RBBP7: variants seen among roughly 807,000 people sequenced by gnomAD.
RBBP7 encodes histone-binding protein RBBP7.
A neutral mutation model predicts 35.2 loss-of-function variants in RBBP7; 5 were observed. That is an observed-to-expected ratio of 0.14 (90% CI 0.07 to 0.30). RBBP7 has a LOEUF of 0.30. Ranked by LOEUF, RBBP7 falls within the 10% of genes least tolerant of loss-of-function variation. The pLI is 1.00. For missense variants in RBBP7, 155 were observed against 327.5 expected (o/e 0.47, Z 4.07); for synonymous variants, 140 against 118.7 (o/e 1.18, Z -1.17).
chrX:16,846,830 G>A (rs1021730748), intron 10 of RBBP7: 2 of 111,759 alleles, frequency 1.8e-5, no homozygotes, highest in Non-Finnish European at 3.8e-5. Flanking sequence ...TAATCTTATC[G>A]GGTTAAAAAT....
chrX:16,848,444 G>C (rs1379217567), intron 10 of RBBP7: 1 of 111,808 alleles, frequency 8.9e-6, no homozygotes, highest in Non-Finnish European at 1.9e-5. Flanking sequence ...TCTGTGTGCA[G>C]GGCTTGCTCT....
At chrX:16,849,064 T>C (rs1602414909) in intron 10 of RBBP7, 180 bp downstream of exon 10, 3 of 365,501 alleles carry the variant, frequency 8.2e-6, no homozygotes, top group East Asian at 4.4e-5. Flanking sequence ...AAAAACCTAC[T>C]GGGCTCCATT....
chrX:16,857,778 C>T (rs1930383012), intron 4 of RBBP7, 69 bp from the exon 5 acceptor site: 1 of 1,147,604 alleles, frequency 8.7e-7, no homozygotes, highest in Non-Finnish European at 1.2e-6. Context: ...ATTCTCACTC[C>T]TTCATTGAGT....
rs1398265263 is a variant in RBBP7 at position 16,858,660 on chromosome X, C to T, written c.481+16G>A. 5 of 1,204,108 alleles carry T rather than the reference C, an allele frequency of 4.2e-6. No individual in the cohort carries two copies. The highest frequency in any genetic ancestry group is 4.5e-6 in the Non-Finnish European group (4 of 890,692). On this transcript the variant is annotated intron_variant, in intron 4 of 11. Transcript: ENST00000380087. ...GAAAACTGCTCAAGTAATGACCTAA[C>T]TCTATTATTACATACCTGGTTTAGC...
intron 4 of RBBP7, among the ~76,000 whole-genome samples, chrX:16,858,253 G>A (rs1237738585): frequency 8.9e-6 from 1 of 111,818 alleles, no homozygotes; most frequent in Non-Finnish European, 1.9e-5. Flanking sequence ...CATAGAACAG[G>A]ATGTGCCCAC....
In RBBP7 at chrX:16,869,236, A is replaced by T. The variant is rs780804469; in HGVS notation, c.17-16T>A. The T allele has an allele frequency of 1.3e-5, 16 of 1,199,979 alleles. No homozygotes were observed. Among genetic ancestry groups the T allele is most frequent in the Non-Finnish European group, 1.8e-5 (16 of 890,592 alleles). On this transcript the variant is annotated splice_polypyrimidine_tract_variant and intron_variant, in intron 1 of 11. Coordinates refer to ENST00000380087, the MANE Select transcript of RBBP7 (RefSeq NM_002893.4). ...TCTTCAAACACTGAAATTTGGAGAA[A>T]GCCCACACGATTAAGTGGCTGAGAT...
chrX:16,854,484 C>T (rs1490871970), intron 5 of RBBP7, among the ~76,000 whole-genome samples: 5 of 110,937 alleles, frequency 4.5e-5, no homozygotes, highest in African/African-American at 1.3e-4. Context: ...AAGAGCCCGG[C>T]GCTCAGCATC....
At position 16,869,070 on chromosome X, in the gene RBBP7, C is replaced by A. The variant is rs770771564; in HGVS notation, c.161+6G>T. 16 of 1,191,348 alleles carry A rather than the reference C, an allele frequency of 1.3e-5. No individual in the cohort carries two copies. The highest frequency in any genetic ancestry group is 4.5e-6 in the Non-Finnish European group (4 of 889,923). Reference sequence around the variant, plus strand: ...AAACAAAATAAAAGTTGCCAGAAACCCTTACTTAGTCACTTCAGGAAGCCA... The same window carrying A: ...AAACAAAATAAAAGTTGCCAGAAACACTTACTTAGTCACTTCAGGAAGCCA... On this transcript the variant is annotated splice_donor_region_variant and intron_variant, in intron 2 of 11. Coordinates refer to ENST00000380087, the MANE Select transcript of RBBP7 (RefSeq NM_002893.4).
At chrX:16,849,846 A>G (rs758068293) in intron 9 of RBBP7, among the ~76,000 whole-genome samples, 13 of 112,465 alleles carry the variant, frequency 1.2e-4, no homozygotes, top group Non-Finnish European at 1.9e-4. Context: ...TATAATTACA[A>G]ATCAGTACTA....
At chrX:16,865,063 CAA>C (rs34381419) in intron 2 of RBBP7, among the ~76,000 whole-genome samples, 2 of 24,562 alleles carry the variant, frequency 8.1e-5, no homozygotes, top group Admixed American at 5.8e-4. Context: ...GACCCTGTCT[CAA>C]AAAAAAAAAA....
intron 10 of RBBP7, chrX:16,847,242 G>A (rs1930102244): frequency 9.0e-6 from 1 of 111,008 alleles, no homozygotes; most frequent in Admixed American, 9.5e-5. Context: ...GGAGGCTGAG[G>A]CGGGCGGATC....
intron 6 of RBBP7, 172 bp from the exon 7 acceptor site, chrX:16,853,047 CCTACAGAGAACAAGCTAGGG>C: frequency 4.1e-6 from 3 of 733,125 alleles, no homozygotes; most frequent in Non-Finnish European, 5.8e-6. Context: ...ACATTCGAAA[CCTACAGAGAACAAGCTAGGG>C]CTGTTAGTCC....
At chrX:16,869,662 C>T in intron 1 of RBBP7, 1 of 1,090,172 alleles carries the variant, frequency 9.2e-7, no homozygotes, top group Non-Finnish European at 1.2e-6. Context: ...ACCCCAGCAA[C>T]CCCCGGACAA....
chrX:16,865,063 CAAAAAAAAAA>C (rs34381419), intron 2 of RBBP7, among the ~76,000 whole-genome samples: 1,721 of 24,545 alleles, frequency 0.07, 21 homozygotes, highest in Middle Eastern at 0.17. Context: ...GACCCTGTCT[CAAAAAAAAAA>C]AAAAAAAAAA....
At chrX:16,865,290 C>T (rs1380318161) in intron 2 of RBBP7, among the ~76,000 whole-genome samples, 1 of 110,779 alleles carries the variant, frequency 9.0e-6, no homozygotes, top group Non-Finnish European at 1.9e-5. Context: ...AATAATAATG[C>T]TTGAGAGAAA....
At chrX:16,866,255 G>A (rs1930612236) in intron 2 of RBBP7, among the ~76,000 whole-genome samples, 1 of 110,549 alleles carries the variant, frequency 9.0e-6, no homozygotes, top group African/African-American at 3.3e-5. Context: ...CCTTTTAAAA[G>A]CCAAATCAAC....
intron 3 of RBBP7, among the ~76,000 whole-genome samples, chrX:16,860,425 A>C (rs910261562): frequency 8.9e-6 from 1 of 111,780 alleles, no homozygotes; most frequent in Non-Finnish European, 1.9e-5. Context: ...GTGGTGGCTC[A>C]TGCCTGTAAT....
chrX:16,864,221 G>A (rs1168445063), intron 2 of RBBP7, among the ~76,000 whole-genome samples: 2 of 110,818 alleles, frequency 1.8e-5, no homozygotes, highest in Admixed American at 9.6e-5. Flanking sequence ...CAATAGCAAC[G>A]TGTTTGAAAA....
intron 11 of RBBP7, 43 bp from the exon 12 acceptor site, chrX:16,845,146 G>A (rs1930040656): frequency 4.4e-6 from 4 of 906,553 alleles, no homozygotes; most frequent in Middle Eastern, 2.7e-4. Flanking sequence ...ACTCCCTATG[G>A]TTTTCACATG....
Sources: allele counts gnomAD v4.1 joint callset (sites outside exome capture counted in the v4.1 genomes callset), GRCh38; gene constraint gnomAD v4.1.1; transcripts MANE v1.5; gene names NCBI Gene and HGNC (gene_info 2026-07-23, HGNC 2026-07-21).